Variants in EAPP observed in about 807,000 individuals in gnomAD.
EAPP encodes the protein E2F-associated phosphoprotein.
A neutral mutation model predicts 34.3 loss-of-function variants in EAPP; 38 were observed. The ratio of observed to expected loss-of-function variants is 1.11; its 90% CI spans 0.85 to 1.45. EAPP has a LOEUF of 1.45. EAPP is among the 40% of genes most tolerant of loss of function. The pLI is 0.00. For synonymous variants in EAPP, 113 were observed against 117.6 expected (o/e 0.96, Z 0.25); for missense variants, 338 against 343.7 (o/e 0.98, Z 0.13).
At chr14:34,532,331 CGTCT>C (rs968023405) in intron 3 of EAPP, among the ~76,000 whole-genome samples, 7 of 151,800 alleles carry the variant, frequency 4.6e-5, no homozygotes, top group Non-Finnish European at 8.8e-5. Flanking sequence ...TGGCGACAGG[CGTCT>C]GTAAACCCAG....
intron 5 of EAPP, among the ~76,000 whole-genome samples, chr14:34,521,246 T>C (rs138706485): frequency 6.6e-6 from 1 of 151,664 alleles, no homozygotes; most frequent in African/African-American, 2.4e-5. Context: ...TTTGATTACA[T>C]TTTTAGTAGA....
chr14:34,516,553 C>T lies in EAPP; in HGVS notation c.615G>A (p.Met205Ile). ...HESYKTQYRA[M>I]FVMNCSINKE... ...TGTTAATAGAACAATTCATTACAAA[C>T]ATTGCTCTATATTGAGTTTTGTATG... Residue 205 changes from methionine to isoleucine, a missense_variant, in exon 6 of 6, where the codon ATG (methionine) becomes ATA (isoleucine). Physicochemically the swap from Met to Ile is conservative, Grantham distance 10. Transcript: ENST00000250454. 6.2e-7 allele frequency: 1 copy of T among 1,613,766 alleles called. No individual in the cohort carries two copies.
At chr14:34,533,599 A>T in intron 2 of EAPP, 60 bp from the exon 3 acceptor site, 2 of 1,100,176 alleles carry the variant, frequency 1.8e-6, no homozygotes, top group Non-Finnish European at 2.6e-6. Flanking sequence ...AAGGCAAAAA[A>T]CTCCATATAT....
chr14:34,523,997 T>C lies in EAPP; in HGVS notation c.581+700A>G, dbSNP rs545450397. On this transcript the variant is annotated intron_variant, in intron 5 of 5. Transcript: ENST00000250454. The stretch of plus-strand genomic sequence containing the variant: ...TGGGCTGGGCACAGTGGCTCACGCA[T>C]GTAATCCCAGCACTTTGGGAGGCCG... Among the ~76,000 whole-genome samples the C allele has an allele frequency of 7.9e-4, 120 of 152,288 alleles. 1 individual carries two copies. Among genetic ancestry groups the C allele is most frequent in the African/African-American group, 2.9e-3 (120 of 41,578 alleles).
chr14:34,534,925 T>G (rs1165378584), intron 2 of EAPP, among the ~76,000 whole-genome samples: 3 of 150,838 alleles, frequency 2.0e-5, no homozygotes, highest in African/African-American at 7.3e-5. Context: ...CTGCAACCTC[T>G]GCCTCCCGGG....
At chr14:34,519,533 C>CA (rs879761615) in intron 5 of EAPP, among the ~76,000 whole-genome samples, 276 of 113,318 alleles carry the variant, frequency 2.4e-3, no homozygotes, top group Middle Eastern at 9.9e-3. Flanking sequence ...GACTCCCTCT[C>CA]AAAAAAAAAA....
chr14:34,536,082 C>G lies in EAPP; in HGVS notation c.256+12G>C. 2.5e-6 allele frequency: 4 copies of G among 1,599,098 alleles called. No individual in the cohort carries two copies. The South Asian group carries it at 4.6e-5, about 18-fold the overall frequency. On this transcript the variant is annotated intron_variant, in intron 2 of 5. Transcript: ENST00000250454. ...TTACAAAAATATATATAAAATTGAACCAAAAGTTTACCAGTTCCCAGAGAG... is the reference window on the plus strand; with the variant it reads ...TTACAAAAATATATATAAAATTGAAGCAAAAGTTTACCAGTTCCCAGAGAG...
intron 3 of EAPP, among the ~76,000 whole-genome samples, chr14:34,529,931 G>A (rs1485872908): frequency 1.3e-5 from 2 of 152,122 alleles, no homozygotes; most frequent in East Asian, 1.9e-4. Flanking sequence ...CAGAAAAACT[G>A]CTTGAACCCA....
At chr14:34,523,950 G>A (rs1388758480) in intron 5 of EAPP, among the ~76,000 whole-genome samples, 1 of 152,062 alleles carries the variant, frequency 6.6e-6, no homozygotes, top group African/African-American at 2.4e-5. Context: ...CAGAATTCCT[G>A]AGTACCTCAA....
intron 3 of EAPP, among the ~76,000 whole-genome samples, chr14:34,531,743 T>G (rs745412991): frequency 1.3e-5 from 2 of 152,168 alleles, no homozygotes; most frequent in Non-Finnish European, 2.9e-5. Context: ...TAATTAGTTT[T>G]AGCTCTTGTT....
intron 3 of EAPP, among the ~76,000 whole-genome samples, chr14:34,530,624 C>T (rs1440550563): frequency 6.6e-6 from 1 of 151,910 alleles, no homozygotes; most frequent in Non-Finnish European, 1.5e-5. Flanking sequence ...TGTTTATTTA[C>T]CCAAAACTGG....
At chr14:34,523,831 G>A (rs1880004409) in intron 5 of EAPP, among the ~76,000 whole-genome samples, 1 of 152,002 alleles carries the variant, frequency 6.6e-6, no homozygotes, top group Non-Finnish European at 1.5e-5. Flanking sequence ...GAGTCACTGT[G>A]CCCAACTTTA....
rs139544635 is a variant in EAPP, at chr14:34,518,622, C to T, written c.582-2036G>A. Among the ~76,000 whole-genome samples the T allele has an allele frequency of 8.5e-5, 13 of 152,194 alleles. No homozygotes were observed. In the East Asian group the frequency reaches 2.1e-3, roughly 25 times the overall value. ...TTGGGATTACAGGCGTGAGCCACTG[C>T]GCCCAGCCCCTTTGGATCTATTAAT... On this transcript the variant is annotated intron_variant, in intron 5 of 5. Transcript: ENST00000250454.
At position 34,524,778 on chromosome 14, in the gene EAPP, C is replaced by G. The variant is rs199731169; in HGVS notation, c.500G>C (p.Arg167Pro). 6.2e-7 allele frequency: 1 copy of G among 1,612,984 alleles called. No individual in the cohort carries two copies. The highest frequency in any genetic ancestry group is 8.5e-7 in the Non-Finnish European group (1 of 1,179,790). Residue 167 changes from arginine to proline, a missense_variant, in exon 5 of 6, where the codon CGT becomes CCT. Physicochemically the swap from Arg to Pro is moderately radical, Grantham distance 103. Transcript: ENST00000250454. ...GYHGLGPQRS[R>P]QQQPVPNSDA... ...ACTATTTGGAACAGGCTGTTGTTGA[C>G]GTGATCTCTGTGGTCCCAAACCATG...
intron 5 of EAPP, among the ~76,000 whole-genome samples, chr14:34,523,306 C>A (rs539629105): frequency 6.7e-6 from 1 of 148,836 alleles, no homozygotes; most frequent in Non-Finnish European, 1.5e-5. Flanking sequence ...GGCGTGACCT[C>A]GGCTCACTGT....
intron 5 of EAPP, among the ~76,000 whole-genome samples, chr14:34,519,901 T>G (rs79404984): frequency 1.3e-5 from 2 of 150,876 alleles, no homozygotes; most frequent in Admixed American, 6.6e-5. Context: ...TTTTTTTTTT[T>G]GAAACAGAGT....
At chr14:34,523,299 G>A (rs1879979111) in intron 5 of EAPP, among the ~76,000 whole-genome samples, 1 of 150,378 alleles carries the variant, frequency 6.6e-6, no homozygotes, top group African/African-American at 2.4e-5. Flanking sequence ...GTGCAGCGGC[G>A]TGACCTCGGC....
chr14:34,530,904 C>CAAAAAAAAAAAAAAAA (rs780101001), intron 3 of EAPP, among the ~76,000 whole-genome samples: 10 of 55,170 alleles, frequency 1.8e-4, no homozygotes, highest in Admixed American at 2.7e-4. Flanking sequence ...CAATCTTTAC[C>CAAAAAAAAAAAAAAAA]AAAAAAAAAA....
intron 5 of EAPP, among the ~76,000 whole-genome samples, chr14:34,519,549 G>T (rs904785998): frequency 6.7e-6 from 1 of 150,366 alleles, no homozygotes; most frequent in Admixed American, 6.7e-5. Flanking sequence ...AAAAAAAAAA[G>T]TTTCCTGAGA....
Sources: allele counts gnomAD v4.1 joint callset (sites outside exome capture counted in the v4.1 genomes callset), GRCh38; gene constraint gnomAD v4.1.1; transcripts MANE v1.5; gene names NCBI Gene and HGNC (gene_info 2026-07-23, HGNC 2026-07-21).